PTPRM: variants seen among roughly 807,000 people sequenced by gnomAD.
PTPRM encodes the protein receptor-type tyrosine-protein phosphatase mu.
PTPRM carries 47 observed loss-of-function variants against 186.7 expected under a neutral mutation model. The observed-to-expected ratio is 0.25, with a 90% CI of 0.20 to 0.32. The LOEUF (loss-of-function observed/expected upper bound fraction) is 0.32, where lower values mean the gene tolerates loss of function less well. Ranked by LOEUF, PTPRM falls within the 10% of genes least tolerant of loss-of-function variation. The pLI is 1.00. For synonymous variants in PTPRM, 668 were observed against 674.9 expected (o/e 0.99, Z 0.16); for missense variants, 1,494 against 1,865.0 (o/e 0.80, Z 3.66).
rs146209957 is a variant in PTPRM at position 8,024,856 on chromosome 18, G to A, written c.1133-44830G>A. On this transcript the variant is annotated intron_variant, in intron 7 of 32. Coordinates refer to ENST00000580170, the MANE Select transcript of PTPRM (RefSeq NM_001105244.2). ...ATGCCACCACTTCTGGCTAATTTGT[G>A]TTGTTTTAGGAGAGACAGTGTTTCA... Among the ~76,000 whole-genome samples the A allele has an allele frequency of 8.1e-3, 1,228 of 151,738 alleles. 20 individuals carry two copies. The highest frequency in any genetic ancestry group is 0.028 in the African/African-American group (1,175 of 41,364).
In PTPRM at chr18:8,394,626, C is replaced by G. The variant is rs2095836840; in HGVS notation, c.4344+15C>G. The G allele has an allele frequency of 2.5e-6, 4 of 1,597,414 alleles. No individual in the cohort carries two copies. The Admixed American group carries it at 6.9e-5, about 27-fold the overall frequency. ...TCGACCTCCTGGTAGGACACCCCCT[C>G]TGAGCTGTTCCATGAGACACCCCAT... On this transcript the variant is annotated intron_variant, in intron 32 of 32. Transcript: ENST00000580170.
intron 1 of PTPRM, among the ~76,000 whole-genome samples, chr18:7,634,092 A>G (rs1310137411): frequency 1.3e-5 from 2 of 151,886 alleles, no homozygotes; most frequent in Non-Finnish European, 2.9e-5. Flanking sequence ...GCTTCATCCC[A>G]TCTCCTGCCA....
intron 1 of PTPRM, among the ~76,000 whole-genome samples, chr18:7,584,627 C>A (rs890283122): frequency 6.6e-6 from 1 of 151,814 alleles, no homozygotes; most frequent in Non-Finnish European, 1.5e-5. Context: ...ATTCTGGGTA[C>A]CCCCACCCCA....
At chr18:7,999,880 G>A (rs2083765425) in intron 7 of PTPRM, among the ~76,000 whole-genome samples, 1 of 152,118 alleles carries the variant, frequency 6.6e-6, no homozygotes, top group Admixed American at 6.5e-5. Flanking sequence ...AAGATCTGCA[G>A]TTGGCAAAGT....
intron 1 of PTPRM, among the ~76,000 whole-genome samples, chr18:7,697,227 G>A (rs1276138655): frequency 6.6e-6 from 1 of 152,148 alleles, no homozygotes; most frequent in Non-Finnish European, 1.5e-5. Context: ...AGTTTAGCTC[G>A]ATGAAGCAGT....
At chr18:8,245,409 A>G (rs1188915413) in intron 15 of PTPRM, among the ~76,000 whole-genome samples, 1 of 152,068 alleles carries the variant, frequency 6.6e-6, no homozygotes, top group African/African-American at 2.4e-5. Flanking sequence ...TGTTGCTTTC[A>G]TCCTTGATCT....
chr18:7,740,560 A>G (rs1371276059), intron 1 of PTPRM, among the ~76,000 whole-genome samples: 3 of 152,182 alleles, frequency 2.0e-5, no homozygotes, highest in Non-Finnish European at 4.4e-5. Flanking sequence ...CTGGGACTCC[A>G]AGCATGTGCC....
intron 19 of PTPRM, among the ~76,000 whole-genome samples, chr18:8,282,192 A>G (rs2094911081): frequency 6.6e-6 from 1 of 152,220 alleles, no homozygotes; most frequent in Admixed American, 6.5e-5. Flanking sequence ...CGACCAGATG[A>G]TAGGAACATG....
At position 7,568,424 on chromosome 18, in the gene PTPRM, C is replaced by T. The variant is rs1483332766; in HGVS notation, c.73+533C>T. Among the ~76,000 whole-genome samples, 1 of 151,894 alleles carries T rather than the reference C, an allele frequency of 6.6e-6. No individual in the cohort carries two copies. Among genetic ancestry groups the T allele is most frequent in the East Asian group, 2.0e-4 (1 of 5,122 alleles). On this transcript the variant is annotated intron_variant, in intron 1 of 32. Transcript: ENST00000580170. The surrounding 1 kb of genome is among the most constrained non-coding windows in gnomAD (Gnocchi z 5.1). ...GGTGCCCTGCCCTCCCTGTCGCCCC[C>T]TGCCCGGCGCGGCTGGCGACCCCGG...
In PTPRM at chr18:8,067,607, C is replaced by G. The variant is rs2089183961; in HGVS notation, c.1133-2079C>G. Among the ~76,000 whole-genome samples, 4 of 152,004 alleles carry G rather than the reference C, an allele frequency of 2.6e-5. 1 individual carries two copies. Among genetic ancestry groups the G allele is most frequent in the South Asian group, 4.2e-4 (2 of 4,816 alleles). Reference sequence around the variant, plus strand: ...GCTACGTTGCATATTTAACATTATTCCATTTTAAACATTTTCATTTGTCAG... The same window carrying G: ...GCTACGTTGCATATTTAACATTATTGCATTTTAAACATTTTCATTTGTCAG... On this transcript the variant is annotated intron_variant, in intron 7 of 32. Transcript: ENST00000580170.
chr18:7,630,596 C>T (rs1369247524), intron 1 of PTPRM, among the ~76,000 whole-genome samples: 2 of 151,974 alleles, frequency 1.3e-5, no homozygotes, highest in Non-Finnish European at 2.9e-5. Flanking sequence ...GCCTTTTGGG[C>T]TATTTTGCTG....
At position 8,063,135 on chromosome 18, in the gene PTPRM, G is replaced by A. The variant is rs1035496631; in HGVS notation, c.1133-6551G>A. 1.4e-4 allele frequency among the ~76,000 whole-genome samples: 22 copies of A among 151,830 alleles called. No individual in the cohort carries two copies. The East Asian group carries it at 3.5e-3, about 24-fold the overall frequency. ...ACTCCGTGGGCGTAGGACCCTCCGA[G>A]CCAGGTGTGGGATATAGTCTCGTGG... On this transcript the variant is annotated intron_variant, in intron 7 of 32. Transcript: ENST00000580170.
At chr18:7,955,486 C>G (rs1241292604) in intron 7 of PTPRM, 72 bp downstream of exon 7, 1 of 1,522,344 alleles carries the variant, frequency 6.6e-7, no homozygotes, top group Non-Finnish European at 8.9e-7. Context: ...TGGGGTTGAT[C>G]AGATGCCTAG....
At chr18:7,890,806 A>G (rs1342076388) in intron 3 of PTPRM, among the ~76,000 whole-genome samples, 6 of 152,196 alleles carry the variant, frequency 3.9e-5, no homozygotes, top group Admixed American at 3.9e-4. Context: ...TGCTACCTCA[A>G]TACAAAAATT....
At chr18:8,239,672 T>C (rs75600812) in intron 14 of PTPRM, among the ~76,000 whole-genome samples, 519 of 152,276 alleles carry the variant, frequency 3.4e-3, no homozygotes, top group African/African-American at 0.012. Context: ...TCTCTCCAAT[T>C]TGGGGGGCAG....
At chr18:7,920,378 TAGGCTTATAAAAC>T (rs559726779) in intron 4 of PTPRM, among the ~76,000 whole-genome samples, 29 of 152,170 alleles carry the variant, frequency 1.9e-4, no homozygotes, top group Non-Finnish European at 3.7e-4. Context: ...TTGTTACAAT[TAGGCTTATAAAAC>T]ATATCTTATA....
intron 1 of PTPRM, among the ~76,000 whole-genome samples, chr18:7,667,391 A>T (rs1336748113): frequency 6.6e-6 from 1 of 152,186 alleles, no homozygotes; most frequent in Non-Finnish European, 1.5e-5. Context: ...AGACAATTTT[A>T]ATATTAAATG....
intron 7 of PTPRM, among the ~76,000 whole-genome samples, chr18:8,063,639 T>A (rs936423209): frequency 4.6e-5 from 7 of 152,182 alleles, no homozygotes; most frequent in Non-Finnish European, 1.5e-5. Context: ...AACACTTTTA[T>A]TTTTTATGGA....
Position 7,727,706 on chromosome 18 carries a change from G to T in PTPRM, c.74-46443G>T, listed in dbSNP as rs142495194. 3.7e-3 allele frequency among the ~76,000 whole-genome samples: 568 copies of T among 152,282 alleles called. 6 individuals carry two copies. Among genetic ancestry groups the T allele is most frequent in the African/African-American group, 0.013 (554 of 41,552 alleles). On this transcript the variant is annotated intron_variant, in intron 1 of 32. Coordinates refer to ENST00000580170, the MANE Select transcript of PTPRM (RefSeq NM_001105244.2). ...AATATGTGTTTGGCTTTTATTTCTGGAATAACTTGAGAATGGATAAATAGG... is the reference window on the plus strand; with the variant it reads ...AATATGTGTTTGGCTTTTATTTCTGTAATAACTTGAGAATGGATAAATAGG...
Sources: allele counts gnomAD v4.1 joint callset (sites outside exome capture counted in the v4.1 genomes callset), GRCh38; gene constraint gnomAD v4.1.1; non-coding constraint Gnocchi (gnomAD v3.1); transcripts MANE v1.5; gene names NCBI Gene and HGNC (gene_info 2026-07-23, HGNC 2026-07-21).